The following ITGB6 variants were observed in gnomAD, a reference collection of about 807,000 sequenced individuals.
The protein encoded by ITGB6 is integrin subunit beta 6, also known as integrin beta-6.
A neutral mutation model predicts 84.5 loss-of-function variants in ITGB6; 80 were observed. The ratio of observed to expected loss-of-function variants is 0.95; its 90% CI spans 0.79 to 1.14. The LOEUF (loss-of-function observed/expected upper bound fraction) is 1.14, where lower values mean the gene tolerates loss of function less well. ITGB6 is among the 50% of genes most tolerant of loss of function. The pLI, the probability that ITGB6 is intolerant of heterozygous loss-of-function variation, is 0.00. For synonymous variants in ITGB6, 383 were observed against 354.9 expected, an observed-to-expected ratio of 1.08 and a Z score of -0.89; for missense variants, 1,006 against 968.0, an observed-to-expected ratio of 1.04 and a Z score of -0.52.
intron 14 of ITGB6, among the ~76,000 whole-genome samples, chr2:160,106,030 C>T (rs988586177): frequency 9.9e-5 from 15 of 152,124 alleles, no homozygotes; most frequent in Non-Finnish European, 5.9e-5. Context: ...TTCAACTATC[C>T]CTCCATCCCA....
intron 7 of ITGB6, among the ~76,000 whole-genome samples, chr2:160,154,176 C>A (rs547945566): frequency 2.6e-5 from 4 of 152,150 alleles, no homozygotes; most frequent in African/African-American, 9.6e-5. Context: ...AAGACTTGGA[C>A]CCAAGCCAAA....
At chr2:160,196,924 G>C (rs111516839) in intron 2 of ITGB6, among the ~76,000 whole-genome samples, 2 of 152,164 alleles carry the variant, frequency 1.3e-5, no homozygotes, top group African/African-American at 2.4e-5. Context: ...GTGATAAAGA[G>C]AGATTCTGCA....
At chr2:160,137,159 C>T (rs964789498) in intron 10 of ITGB6, among the ~76,000 whole-genome samples, 1 of 151,964 alleles carries the variant, frequency 6.6e-6, no homozygotes. Flanking sequence ...TTTGTAGAGT[C>T]TGGGTGTCAA....
intron 7 of ITGB6, among the ~76,000 whole-genome samples, chr2:160,150,660 G>A (rs886487570): frequency 6.6e-6 from 1 of 152,120 alleles, no homozygotes; most frequent in Admixed American, 6.5e-5. Context: ...GACACAGACT[G>A]GCAAATTGGA....
At chr2:160,101,876 T>G in intron 14 of ITGB6, 42 bp from the exon 15 acceptor site, 1 of 1,186,038 alleles carries the variant, frequency 8.4e-7, no homozygotes, top group African/African-American at 1.5e-5. Flanking sequence ...ATGTATATTT[T>G]GTTTTTATAC....
chr2:160,110,424 C>T (rs1336903335), intron 13 of ITGB6, among the ~76,000 whole-genome samples: 1 of 152,174 alleles, frequency 6.6e-6, no homozygotes. Context: ...ACTATTGTTA[C>T]AGCAAATACA....
At chr2:160,175,098 G>T (rs1685366500) in intron 4 of ITGB6, among the ~76,000 whole-genome samples, 1 of 152,252 alleles carries the variant, frequency 6.6e-6, no homozygotes, top group South Asian at 2.1e-4. Context: ...CCTGGTGAGG[G>T]AATGATGTGC....
chr2:160,183,339 C>T (rs907072528), intron 4 of ITGB6, among the ~76,000 whole-genome samples: 1 of 152,096 alleles, frequency 6.6e-6, no homozygotes, highest in Non-Finnish European at 1.5e-5. Flanking sequence ...GGGTTACAAT[C>T]CTGGTCTCTG....
chr2:160,171,127 G>A (rs1366463476), intron 6 of ITGB6, among the ~76,000 whole-genome samples: 1 of 152,110 alleles, frequency 6.6e-6, no homozygotes. Flanking sequence ...GTAATGAACT[G>A]TTAAGAGTTT....
At position 160,142,059 on chromosome 2, in the gene ITGB6, G is replaced by C. The variant is rs148922939; in HGVS notation, c.1030C>G (p.Leu344Val). 1.1e-5 allele frequency: 18 copies of C among 1,598,648 alleles called. No homozygotes were observed. Among genetic ancestry groups the C allele is most frequent in the Non-Finnish European group, 8.5e-6 (10 of 1,170,058 alleles). The change falls in exon 8 of 15, where the codon CTT becomes GTT. Residue 344 changes from leucine to valine, a missense_variant. Coordinates refer to ENST00000283249, the MANE Select transcript of ITGB6 (RefSeq NM_000888.5). Reference sequence around the variant, plus strand: ...AGACCTACTGTAGCTCCAGGAATAAGTTTTGCGTAATTCTGTAAACAGAAA... The same window carrying C: ...AGACCTACTGTAGCTCCAGGAATAACTTTTGCGTAATTCTGTAAACAGAAA... Reference protein sequence around the residue: ...QVHLYENYAKLIPGATVGLLQ... With the variant: ...QVHLYENYAKVIPGATVGLLQ...
chr2:160,136,916 G>C (rs1394430305), intron 10 of ITGB6, among the ~76,000 whole-genome samples: 8 of 151,944 alleles, frequency 5.3e-5, no homozygotes, highest in African/African-American at 1.9e-4. Context: ...TGGGGGGAAG[G>C]GGGAGGGATA....
In ITGB6 at chr2:160,195,580, T is replaced by C; in HGVS notation, c.382A>G (p.Thr128Ala). The change falls in exon 4 of 15, where the codon ACT becomes GCT. Residue 128 changes from threonine to alanine, a missense_variant. Coordinates refer to ENST00000283249, the MANE Select transcript of ITGB6 (RefSeq NM_000888.5). The part of the protein sequence containing the change: ...AQTLQVHVRQ[T>A]EDYPVDLYYL... ...TACAAATCCACCGGGTAGTCCTCAG[T>C]CTGGCGGACATGCACCTGCAGAGTC... 6.2e-7 allele frequency: 1 copy of C among 1,614,120 alleles called. No individual in the cohort carries two copies. Among genetic ancestry groups the C allele is most frequent in the Non-Finnish European group, 8.5e-7 (1 of 1,179,984 alleles).
At chr2:160,178,102 T>G (rs1685504174) in intron 4 of ITGB6, among the ~76,000 whole-genome samples, 1 of 152,202 alleles carries the variant, frequency 6.6e-6, no homozygotes, top group Admixed American at 6.5e-5. Context: ...CTCGAGCTCC[T>G]GACCTCAAGT....
At chr2:160,130,238 G>T (rs1004522957) in intron 10 of ITGB6, among the ~76,000 whole-genome samples, 2 of 151,998 alleles carry the variant, frequency 1.3e-5, no homozygotes, top group Admixed American at 6.6e-5. Flanking sequence ...ATAAAATTAT[G>T]GGACAACTGT....
intron 7 of ITGB6, among the ~76,000 whole-genome samples, chr2:160,167,169 C>T (rs763221213): frequency 3.4e-4 from 52 of 152,342 alleles, no homozygotes; most frequent in Non-Finnish European, 6.5e-4. Context: ...GTTATCCAAA[C>T]ATCAAATCGC....
At chr2:160,123,277 T>C (rs1683112345) in intron 12 of ITGB6, among the ~76,000 whole-genome samples, 1 of 152,142 alleles carries the variant, frequency 6.6e-6, no homozygotes, top group Non-Finnish European at 1.5e-5. Context: ...ATGGTCATTG[T>C]AATGCCCATG....
chr2:160,121,099 A>G (rs1260073156), intron 12 of ITGB6, among the ~76,000 whole-genome samples: 2 of 152,150 alleles, frequency 1.3e-5, no homozygotes, highest in African/African-American at 2.4e-5. Context: ...AAAAATACAA[A>G]GCATCTGCAC....
chr2:160,197,258 T>A (rs944812722), intron 2 of ITGB6, among the ~76,000 whole-genome samples: 3 of 151,896 alleles, frequency 2.0e-5, no homozygotes, highest in Admixed American at 1.3e-4. Flanking sequence ...ATCATGCCAC[T>A]GCACTCTAGC....
rs372417332 is a variant in ITGB6 at position 160,200,114 on chromosome 2, C to T, written c.-51G>A. ...CGATTAAAAAATGAATTACCTTCAGCGTTACAAGACCAACGCTGAATATCG... is the reference window on the plus strand; with the variant it reads ...CGATTAAAAAATGAATTACCTTCAGTGTTACAAGACCAACGCTGAATATCG... On this transcript the variant is annotated 5_prime_UTR_variant, in exon 1 of 15. Coordinates refer to ENST00000283249, the MANE Select transcript of ITGB6 (RefSeq NM_000888.5). 3.1e-5 allele frequency: 45 copies of T among 1,430,706 alleles called. No individual in the cohort carries two copies. Among genetic ancestry groups the T allele is most frequent in the Admixed American group, 5.1e-5 (3 of 58,736 alleles). The allele number at this position is 1,430,706 out of a possible 1,614,324, so 88.6% of individuals were successfully genotyped here.
Sources: allele counts gnomAD v4.1 joint callset (sites outside exome capture counted in the v4.1 genomes callset), GRCh38; gene constraint gnomAD v4.1.1; transcripts MANE v1.5; gene names NCBI Gene and HGNC (gene_info 2026-07-23, HGNC 2026-07-21).